FMN2: variants seen among roughly 807,000 people sequenced by gnomAD.
FMN2 encodes the protein formin 2.
A neutral mutation model predicts 142.3 loss-of-function variants in FMN2; 51 were observed. The ratio of observed to expected loss-of-function variants is 0.36; its 90% CI spans 0.29 to 0.45. The LOEUF (loss-of-function observed/expected upper bound fraction) is 0.45. Ranked by LOEUF, FMN2 falls within the 20% of genes least tolerant of loss-of-function variation. The probability of loss-of-function intolerance (pLI) is 1.00; values close to 1 mark genes in which losing one functional copy is unlikely to be tolerated. For missense variants in FMN2, 1,936 were observed against 2,122.8 expected (o/e 0.91, Z 1.73); for synonymous variants, 882 against 869.8 (o/e 1.01, Z -0.25).
At chr1:240,377,607 A>C (rs982272371) in intron 14 of FMN2, among the ~76,000 whole-genome samples, 1 of 151,960 alleles carries the variant, frequency 6.6e-6, no homozygotes, top group Non-Finnish European at 1.5e-5. Context: ...GCTTCTAGCT[A>C]TCTTCCAAGC....
At chr1:240,382,114 G>A (rs1370742783) in intron 14 of FMN2, among the ~76,000 whole-genome samples, 1 of 152,090 alleles carries the variant, frequency 6.6e-6, no homozygotes, top group Non-Finnish European at 1.5e-5. Flanking sequence ...CCTAATAAAT[G>A]ACTTCAGCAA....
At chr1:240,398,141 G>C (rs1336151) in intron 15 of FMN2, among the ~76,000 whole-genome samples, 13 of 151,550 alleles carry the variant, frequency 8.6e-5, no homozygotes, top group African/African-American at 3.2e-4. Flanking sequence ...AATTACAAGC[G>C]TGCACTGCCA....
intron 13 of FMN2, among the ~76,000 whole-genome samples, chr1:240,339,317 G>T (rs183135728): frequency 6.7e-6 from 1 of 149,554 alleles, no homozygotes; most frequent in Non-Finnish European, 1.5e-5. Flanking sequence ...ACAGTATATT[G>T]TTATAATTGT....
In FMN2 at chr1:240,396,303, C is replaced by CTTGTGTGTGT. The variant is rs71170739; in HGVS notation, c.4910+3741_4910+3742insTTGTGTGTGT. Among the ~76,000 whole-genome samples, 27 of 142,828 alleles carry CTTGTGTGTGT rather than the reference C, an allele frequency of 1.9e-4. No individual in the cohort carries two copies. The South Asian group carries it at 4.7e-3, about 25-fold the overall frequency. The allele number at this position is 142,828 out of a possible 152,430, so 93.7% of individuals were successfully genotyped here. On this transcript the variant is annotated intron_variant, in intron 15 of 17. Transcript: ENST00000319653. ...AAACCCACAATATCTCCGAGGTTTT[C>CTTGTGTGTGT]GTGTGTGTGTGTGTGTGTGTGTGTG... is the stretch of plus-strand genomic sequence containing the variant.
chr1:240,245,518 T>C (rs1572110213), intron 6 of FMN2: 1 of 471,518 alleles, frequency 2.1e-6, no homozygotes, highest in East Asian at 7.0e-5. Flanking sequence ...ATGGTATCAC[T>C]GACTGAGCTC....
At position 240,405,802 on chromosome 1, in the gene FMN2, T is replaced by A. The variant is rs1335129912; in HGVS notation, c.4910+13240T>A. Among the ~76,000 whole-genome samples, 3 of 152,196 alleles carry A rather than the reference T, an allele frequency of 2.0e-5. No individual in the cohort carries two copies. The South Asian group carries it at 6.2e-4, about 31-fold the overall frequency. On this transcript the variant is annotated intron_variant, in intron 15 of 17. Coordinates refer to ENST00000319653, the MANE Select transcript of FMN2 (RefSeq NM_020066.5). ...TTTTTTTCTAAGGAGAATGAAAGCA[T>A]GAGTTAGTGATTTATATCTACGTTT...
At chr1:240,216,057 A>G (rs1157877998) in intron 6 of FMN2, among the ~76,000 whole-genome samples, 1 of 152,206 alleles carries the variant, frequency 6.6e-6, no homozygotes, top group Non-Finnish European at 1.5e-5. Context: ...TTTCACCAAC[A>G]TGACATTTGC....
At chr1:240,436,578 G>A (rs893967689) in intron 15 of FMN2, among the ~76,000 whole-genome samples, 1 of 151,812 alleles carries the variant, frequency 6.6e-6, no homozygotes, top group African/African-American at 2.4e-5. Flanking sequence ...TTGGGAGGCT[G>A]AGGCAGGAGA....
At chr1:240,345,244 C>T (rs2103033373) in intron 13 of FMN2, among the ~76,000 whole-genome samples, 1 of 152,300 alleles carries the variant, frequency 6.6e-6, no homozygotes, top group South Asian at 2.1e-4. Flanking sequence ...GCAGCAGTGC[C>T]TGACAACATG....
At chr1:240,263,292 AT>A (rs1159777350) in intron 7 of FMN2, among the ~76,000 whole-genome samples, 5 of 152,330 alleles carry the variant, frequency 3.3e-5, no homozygotes, top group African/African-American at 9.6e-5. Context: ...TCAGACAGAT[AT>A]AAGCTTGGCA....
chr1:240,388,827 A>G (rs1240122955), intron 14 of FMN2, among the ~76,000 whole-genome samples: 1 of 141,610 alleles, frequency 7.1e-6, no homozygotes, highest in Admixed American at 7.5e-5. Context: ...TCGCCATTGG[A>G]CTCTATCCTG....
At chr1:240,200,211 C>T (rs991693926) in intron 4 of FMN2, among the ~76,000 whole-genome samples, 2 of 152,126 alleles carry the variant, frequency 1.3e-5, no homozygotes, top group Admixed American at 1.3e-4. Context: ...GGTGGGCCCC[C>T]CAGAGCTTCA....
chr1:240,163,882 TTTA>T (rs1193717515), intron 2 of FMN2, among the ~76,000 whole-genome samples: 1 of 151,968 alleles, frequency 6.6e-6, no homozygotes, highest in Non-Finnish European at 1.5e-5. Context: ...TATTTTTATT[TTTA>T]TTATTAAGAC....
At position 240,440,814 on chromosome 1, in the gene FMN2, A is replaced by T. The variant is rs112967324; in HGVS notation, c.5060+2604A>T. Reference sequence around the variant, plus strand: ...GAAGAACAACTCTGTTCCTTTCCTTAGTGAGGGACCAGCTATGTACTTCTT... The same window carrying T: ...GAAGAACAACTCTGTTCCTTTCCTTTGTGAGGGACCAGCTATGTACTTCTT... On this transcript the variant is annotated intron_variant, in intron 16 of 17. Transcript: ENST00000319653. Among the ~76,000 whole-genome samples, 917 of 151,918 alleles carry T rather than the reference A, an allele frequency of 6.0e-3. 7 individuals are homozygous for T. Among genetic ancestry groups the T allele is most frequent in the African/African-American group, 0.021 (867 of 41,224 alleles).
At chr1:240,438,974 A>G (rs191617599) in intron 16 of FMN2, among the ~76,000 whole-genome samples, 5 of 152,302 alleles carry the variant, frequency 3.3e-5, no homozygotes, top group African/African-American at 9.6e-5. Flanking sequence ...AGATCTTTAG[A>G]AAACTTACAT....
Position 240,349,225 on chromosome 1 carries a change from A to G in FMN2, c.4766-6591A>G, listed in dbSNP as rs190180758. ...CATTGATCTGCTTTAAGTGGCTACA[A>G]TGGTGTCTGTTTCCTAAAACTGAAC... On this transcript the variant is annotated intron_variant, in intron 13 of 17. Transcript: ENST00000319653. 2.5e-4 allele frequency among the ~76,000 whole-genome samples: 38 copies of G among 152,338 alleles called. 3 individuals are homozygous for G. The Middle Eastern group carries it at 0.014, about 55-fold the overall frequency.
intron 2 of FMN2, among the ~76,000 whole-genome samples, chr1:240,141,608 A>G (rs561632641): frequency 2.0e-5 from 3 of 152,216 alleles, no homozygotes; most frequent in Non-Finnish European, 4.4e-5. Context: ...GACCTCAGGT[A>G]ATCTGCCCAC....
At chr1:240,097,407 G>C (rs893274019) in intron 1 of FMN2, among the ~76,000 whole-genome samples, 29 of 150,474 alleles carry the variant, frequency 1.9e-4, no homozygotes, top group Non-Finnish European at 3.5e-4. Flanking sequence ...CCAGGCTGGA[G>C]TGCAGTGGCA....
rs143701406 is a variant in FMN2, at chr1:240,353,701, A to G, written c.4766-2115A>G. On this transcript the variant is annotated intron_variant, in intron 13 of 17. Coordinates refer to ENST00000319653, the MANE Select transcript of FMN2 (RefSeq NM_020066.5). Reference sequence around the variant, plus strand: ...TTTTTCGCTGATGTAAAGTAAGCATATTAATCATCTACTTCAAAGGGTTTT... The same window carrying G: ...TTTTTCGCTGATGTAAAGTAAGCATGTTAATCATCTACTTCAAAGGGTTTT... 1.1e-3 allele frequency among the ~76,000 whole-genome samples: 161 copies of G among 152,350 alleles called. No homozygotes were observed. In the Middle Eastern group the frequency reaches 0.014, roughly 13 times the overall value.
Sources: gnomAD v4.1 joint callset for allele counts (sites outside exome capture counted in the v4.1 genomes callset) on GRCh38, gnomAD v4.1.1 for gene constraint, MANE v1.5 for transcripts, NCBI Gene and HGNC (gene_info 2026-07-23, HGNC 2026-07-21) for gene names.